GRID2: variants seen among roughly 807,000 people sequenced by gnomAD.
GRID2 encodes glutamate receptor ionotropic, delta-2.
Under a neutral mutation model 114.8 loss-of-function variants are expected in GRID2, and 33 were observed. The ratio of observed to expected loss-of-function variants is 0.29; its 90% CI spans 0.22 to 0.38. GRID2 has a LOEUF of 0.38. GRID2 is among the 10% of genes least tolerant of loss of function. The pLI is 1.00. For synonymous variants in GRID2, 505 were observed against 449.9 expected (o/e 1.12, Z -1.55); for missense variants, 1,184 against 1,257.7 (o/e 0.94, Z 0.89).
chr4:92,575,372 T>A (rs982698673), intron 1 of GRID2, among the ~76,000 whole-genome samples: 1 of 152,190 alleles, frequency 6.6e-6, no homozygotes, highest in African/African-American at 2.4e-5. Context: ...GATGGTTCAG[T>A]CATTTAGAGG....
At chr4:92,959,408 T>C (rs1752642442) in intron 2 of GRID2, among the ~76,000 whole-genome samples, 1 of 151,946 alleles carries the variant, frequency 6.6e-6, no homozygotes, top group African/African-American at 2.4e-5. Context: ...TAGTTCAATT[T>C]TTTTTTTAAT....
At chr4:93,644,404 A>G (rs949157894) in intron 14 of GRID2, among the ~76,000 whole-genome samples, 1 of 152,178 alleles carries the variant, frequency 6.6e-6, no homozygotes, top group Non-Finnish European at 1.5e-5. Context: ...GCATGACAGA[A>G]AGGAACTGGC....
At chr4:93,633,251 C>T (rs1218894579) in intron 14 of GRID2, among the ~76,000 whole-genome samples, 1 of 151,644 alleles carries the variant, frequency 6.6e-6, no homozygotes, top group African/African-American at 2.4e-5. Flanking sequence ...AATATTATAA[C>T]TATAAGAATT....
intron 7 of GRID2, among the ~76,000 whole-genome samples, chr4:93,230,806 A>G (rs1375882455): frequency 6.6e-6 from 1 of 152,110 alleles, no homozygotes; most frequent in Non-Finnish European, 1.5e-5. Context: ...AACACCCTCA[A>G]TTAATATTAT....
intron 2 of GRID2, among the ~76,000 whole-genome samples, chr4:92,980,978 T>C (rs1358854943): frequency 6.6e-6 from 1 of 152,080 alleles, no homozygotes; most frequent in African/African-American, 2.4e-5. Flanking sequence ...TTCATTCTTA[T>C]ATTAAAGCTG....
intron 1 of GRID2, among the ~76,000 whole-genome samples, chr4:93,783,401 G>C (rs961068776): frequency 9.9e-5 from 15 of 152,168 alleles, no homozygotes; most frequent in African/African-American, 3.6e-4. Flanking sequence ...TCCTCAATGG[G>C]CTATTTCAGA....
At chr4:92,701,025 A>T (rs1485746448) in intron 2 of GRID2, among the ~76,000 whole-genome samples, 2 of 151,332 alleles carry the variant, frequency 1.3e-5, no homozygotes, top group Admixed American at 6.6e-5. Context: ...CATACATTAC[A>T]GATAGAAGGG....
intron 2 of GRID2, chr4:92,821,851 A>G (rs930283912): frequency 6.5e-6 from 1 of 153,216 alleles, no homozygotes; most frequent in Non-Finnish European, 1.5e-5. Context: ...CATAATATGA[A>G]CAGCCACTTA....
In GRID2 at chr4:92,581,539, A is replaced by G. The variant is rs542771917; in HGVS notation, c.89-8592A>G. 3.3e-5 allele frequency among the ~76,000 whole-genome samples: 5 copies of G among 152,242 alleles called. No individual in the cohort carries two copies. The South Asian group carries it at 1.0e-3, about 32-fold the overall frequency. Reference sequence around the variant, plus strand: ...TCTGGATAACTATACAGGTTTTCCAAACGAAATGTGATTTCACATGTTATT... The same window carrying G: ...TCTGGATAACTATACAGGTTTTCCAGACGAAATGTGATTTCACATGTTATT... On this transcript the variant is annotated intron_variant, in intron 1 of 15. Coordinates refer to ENST00000282020, the MANE Select transcript of GRID2 (RefSeq NM_001510.4).
At chr4:92,560,212 G>C (rs1727044745) in intron 1 of GRID2, among the ~76,000 whole-genome samples, 1 of 152,156 alleles carries the variant, frequency 6.6e-6, no homozygotes, top group Non-Finnish European at 1.5e-5. Context: ...TGGATTCATA[G>C]TGTGGCCTGA....
chr4:93,704,059 A>G (rs1205885175), intron 14 of GRID2, among the ~76,000 whole-genome samples: 1 of 152,192 alleles, frequency 6.6e-6, no homozygotes, highest in Non-Finnish European at 1.5e-5. Flanking sequence ...TAGATCCCTG[A>G]GGAATCGCCA....
At chr4:92,624,356 C>G (rs779573278) in intron 2 of GRID2, among the ~76,000 whole-genome samples, 3 of 151,760 alleles carry the variant, frequency 2.0e-5, no homozygotes, top group Non-Finnish European at 4.4e-5. Flanking sequence ...TTATTATCTA[C>G]TTTTAGTTCA....
In GRID2 at chr4:92,307,028, T is replaced by TA. The variant is rs551384952; in HGVS notation, c.88+2291dup. On this transcript the variant is annotated intron_variant, in intron 1 of 15. Coordinates refer to ENST00000282020, the MANE Select transcript of GRID2 (RefSeq NM_001510.4). ...TATCGAAAAACATTAACTCCTAAAT[T>TA]AAAAAAATAAAAAATGATGACGGGT... is the stretch of plus-strand genomic sequence containing the variant. 2.6e-4 allele frequency among the ~76,000 whole-genome samples: 40 copies of TA among 151,998 alleles called. 1 individual carries two copies. In the East Asian group the frequency reaches 7.2e-3, roughly 27 times the overall value.
chr4:92,984,867 G>C (rs1417568255), intron 2 of GRID2, among the ~76,000 whole-genome samples: 1 of 151,480 alleles, frequency 6.6e-6, no homozygotes, highest in Non-Finnish European at 1.5e-5. Flanking sequence ...ATTAAATTTG[G>C]ATTATACAGT....
At chr4:92,797,375 G>T (rs763054863) in intron 2 of GRID2, among the ~76,000 whole-genome samples, 2 of 151,934 alleles carry the variant, frequency 1.3e-5, no homozygotes, top group Non-Finnish European at 2.9e-5. Context: ...CAATAGCAAT[G>T]GGAGTTGCCT....
intron 2 of GRID2, among the ~76,000 whole-genome samples, chr4:93,079,451 G>A (rs1028540228): frequency 6.6e-6 from 1 of 151,296 alleles, no homozygotes; most frequent in African/African-American, 2.4e-5. Flanking sequence ...TTTGTAATAA[G>A]GGAGAGTTAA....
chr4:93,010,395 T>C (rs774426646), intron 2 of GRID2, among the ~76,000 whole-genome samples: 5 of 152,000 alleles, frequency 3.3e-5, no homozygotes, highest in Non-Finnish European at 7.4e-5. Flanking sequence ...GAAAACCGTT[T>C]GCTTACTAGA....
chr4:92,760,237 C>CAAAAAA (rs982301426), intron 2 of GRID2, among the ~76,000 whole-genome samples: 43 of 38,172 alleles, frequency 1.1e-3, no homozygotes, highest in African/African-American at 1.6e-3. Context: ...GACTCTGTCT[C>CAAAAAA]AAAAAAAAAA....
At chr4:93,109,085 C>A (rs1732530926) in intron 3 of GRID2, among the ~76,000 whole-genome samples, 1 of 152,180 alleles carries the variant, frequency 6.6e-6, no homozygotes, top group African/African-American at 2.4e-5. Context: ...CAGTGTCAAC[C>A]AAAGTCCATC....
Sources: allele counts gnomAD v4.1 joint callset (sites outside exome capture counted in the v4.1 genomes callset), GRCh38; gene constraint gnomAD v4.1.1; transcripts MANE v1.5; gene names NCBI Gene and HGNC (gene_info 2026-07-23, HGNC 2026-07-21).